HAUS7: variants seen among roughly 807,000 people sequenced by gnomAD.
The protein encoded by HAUS7 is HAUS augmin like complex subunit 7.
In HAUS7, 3 loss-of-function variants were observed where a neutral mutation model predicts 28.4. The observed-to-expected ratio is 0.11, with a 90% CI of 0.05 to 0.27. HAUS7 has a LOEUF of 0.27. Among genes scored for constraint, HAUS7 ranks in the 10% least tolerant of loss-of-function variants. The probability of loss-of-function intolerance (pLI) is 1.00; values close to 1 mark genes in which losing one functional copy is unlikely to be tolerated. For missense variants in HAUS7, 284 were observed against 297.3 expected, an observed-to-expected ratio of 0.96 and a Z score of 0.33; for synonymous variants, 165 against 132.1, an observed-to-expected ratio of 1.25 and a Z score of -1.71.
intron 1 of HAUS7, among the ~76,000 whole-genome samples, chrX:153,487,897 A>G (rs1368006966): frequency 8.9e-6 from 1 of 112,836 alleles, no homozygotes; most frequent in East Asian, 2.8e-4. Context: ...CACTGAGGCC[A>G]TTGCCCCGTT....
At chrX:153,477,779 G>T (rs1368536618) in intron 1 of HAUS7, among the ~76,000 whole-genome samples, 3 of 112,313 alleles carry the variant, frequency 2.7e-5, no homozygotes, top group Non-Finnish European at 5.6e-5. Context: ...TACGTGGCAG[G>T]GTCCAAATTC....
intron 1 of HAUS7, chrX:153,481,041 G>A: frequency 1.3e-6 from 1 of 743,486 alleles, no homozygotes. Flanking sequence ...CTTCAGGTGG[G>A]GCCTGGGGCC....
chrX:153,487,216 C>T (rs1247546802), intron 1 of HAUS7: 4 of 183,843 alleles, frequency 2.2e-5, no homozygotes, highest in African/African-American at 1.2e-4. Flanking sequence ...GTCCTGAAGT[C>T]CTTGCTCGGT....
intron 1 of HAUS7, among the ~76,000 whole-genome samples, chrX:153,493,210 G>A (rs1333169374): frequency 8.9e-6 from 1 of 111,993 alleles, no homozygotes; most frequent in African/African-American, 3.2e-5. Flanking sequence ...CCACAAATCC[G>A]CTTTCTGTCC....
intron 8 of HAUS7, chrX:153,455,148 T>C: frequency 6.5e-6 from 3 of 462,786 alleles, no homozygotes; most frequent in South Asian, 2.4e-5. Context: ...CAGGCATTTG[T>C]CTGCCTGTCT....
At chrX:153,489,822 G>A (rs1173102307) in intron 1 of HAUS7, among the ~76,000 whole-genome samples, 4 of 111,096 alleles carry the variant, frequency 3.6e-5, no homozygotes, top group African/African-American at 9.8e-5. Flanking sequence ...CCCACCCCTC[G>A]CCTTCGCCAC....
At chrX:153,463,765 GC>G (rs1458191606) in intron 3 of HAUS7, among the ~76,000 whole-genome samples, 1 of 112,830 alleles carries the variant, frequency 8.9e-6, no homozygotes, top group Admixed American at 9.3e-5. Flanking sequence ...CCCACCTGGG[GC>G]CCTGTGCGCA....
At chrX:153,450,986 C>G (rs1397569365) in intron 9 of HAUS7, among the ~76,000 whole-genome samples, 2 of 112,297 alleles carry the variant, frequency 1.8e-5, no homozygotes, top group Non-Finnish European at 3.8e-5. Flanking sequence ...GAATTCATCT[C>G]AAGCCACATC....
intron 2 of HAUS7, among the ~76,000 whole-genome samples, chrX:153,468,259 G>A (rs899477552): frequency 8.9e-6 from 1 of 112,310 alleles, no homozygotes; most frequent in African/African-American, 3.2e-5. Context: ...CCAGGCTCCC[G>A]CCCAGGCCCC....
At chrX:153,465,097 G>A in intron 2 of HAUS7, 42 bp from the exon 3 acceptor site, 1 of 963,904 alleles carries the variant, frequency 1.0e-6, no homozygotes, top group Non-Finnish European at 1.5e-6. Flanking sequence ...GAGACAGCCA[G>A]AGAATCCCCC....
chrX:153,464,881 C>A, intron 3 of HAUS7, 107 bp downstream of exon 3: 1 of 573,407 alleles, frequency 1.7e-6, no homozygotes, highest in Non-Finnish European at 3.0e-6. Context: ...TAGCAACATC[C>A]ACACAACATG....
In HAUS7 at chrX:153,456,551, C is replaced by T. The variant is rs1387457323; in HGVS notation, c.547G>A (p.Asp183Asn). ...GGCTGCATGTCCAGGGGCCACGGGT[C>T]GCACTCTGGATTCAGGAGCATCTGC... ...HLQMLLNPECDPWPLDMQPLL... is the reference protein window; with the variant it reads ...HLQMLLNPECNPWPLDMQPLL... Residue 183 changes from aspartate to asparagine, a missense_variant, in exon 6 of 10, where the codon GAC (aspartate) becomes AAC (asparagine). Physicochemically the swap from Asp to Asn is conservative, Grantham distance 23. Coordinates refer to ENST00000370211, the MANE Select transcript of HAUS7 (RefSeq NM_001385482.1). The T allele has an allele frequency of 5.1e-6, 6 of 1,174,236 alleles. No individual in the cohort carries two copies. The African/African-American group carries it at 9.0e-5, about 18-fold the overall frequency.
chrX:153,478,189 C>A (rs1556986612), intron 1 of HAUS7, among the ~76,000 whole-genome samples: 1 of 112,879 alleles, frequency 8.9e-6, no homozygotes, highest in East Asian at 2.8e-4. Flanking sequence ...GTCCTCTCTG[C>A]CAGCCCCCGC....
intron 9 of HAUS7, among the ~76,000 whole-genome samples, chrX:153,452,005 C>T (rs1428557979): frequency 8.9e-6 from 1 of 112,330 alleles, no homozygotes; most frequent in Non-Finnish European, 1.9e-5. Flanking sequence ...GTGATTCACA[C>T]GAAGACAGAT....
At chrX:153,488,870 C>T (rs2089655019) in intron 1 of HAUS7, among the ~76,000 whole-genome samples, 2 of 113,124 alleles carry the variant, frequency 1.8e-5, no homozygotes, top group Non-Finnish European at 3.7e-5. Flanking sequence ...GGGAGGGGCC[C>T]CTCAGCTGCA....
chrX:153,495,222 C>T (rs1476592081), intron 1 of HAUS7: 2 of 111,380 alleles, frequency 1.8e-5, no homozygotes, highest in African/African-American at 6.6e-5. Flanking sequence ...GCGAGGGTGT[C>T]CACAGATTTC....
chrX:153,462,735 C>A lies in HAUS7; in HGVS notation c.293-64G>T, dbSNP rs189327601. On this transcript the variant is annotated intron_variant, in intron 3 of 9. Coordinates refer to ENST00000370211, the MANE Select transcript of HAUS7 (RefSeq NM_001385482.1). ...CCCAGACAGCAGGGGACAGCAGACA[C>A]CCAGGAAGCCCAGCACCCACAGACT... 9.4e-4 allele frequency: 809 copies of A among 856,391 alleles called. 10 individuals carry two copies. The East Asian group carries it at 0.025, about 26-fold the overall frequency. 70.6% of individuals were successfully genotyped at this position (856,391 alleles called of 1,213,427 possible). A position where few individuals can be genotyped will look rare whatever the true frequency, so the allele number is the denominator to read the frequency against.
chrX:153,479,016 G>A (rs1042731494), intron 1 of HAUS7, among the ~76,000 whole-genome samples: 4 of 111,630 alleles, frequency 3.6e-5, no homozygotes, highest in African/African-American at 1.3e-4. Context: ...CTGAGGAAAG[G>A]GCAATCTGTC....
At position 153,455,613 on chromosome X, in the gene HAUS7, G is replaced by T; in HGVS notation, c.859C>A (p.Pro287Thr). 1 of 1,209,901 alleles carries T rather than the reference G, an allele frequency of 8.3e-7. No individual in the cohort carries two copies. Among genetic ancestry groups the T allele is most frequent in the Non-Finnish European group, 1.1e-6 (1 of 893,637 alleles). The change falls in exon 8 of 10, where the codon CCA (proline) becomes ACA (threonine). Residue 287 changes from proline (P) to threonine (T), a missense_variant. By Grantham distance (38) the Pro-to-Thr change is conservative. Transcript: ENST00000370211. Reference protein sequence around the residue: ...DDELGECCQRPGPDLHPCGPI... With the variant: ...DDELGECCQRTGPDLHPCGPI... ...CCGCACGGGTGGAGGTCAGGGCCTGGGCGCTGGCAGCACTCGCCCAGCTCG... is the reference window on the plus strand; with the variant it reads ...CCGCACGGGTGGAGGTCAGGGCCTGTGCGCTGGCAGCACTCGCCCAGCTCG...
Sources: gnomAD v4.1 joint callset for allele counts (sites outside exome capture counted in the v4.1 genomes callset) on GRCh38, gnomAD v4.1.1 for gene constraint, MANE v1.5 for transcripts, NCBI Gene and HGNC (gene_info 2026-07-23, HGNC 2026-07-21) for gene names.